TBX20: variants seen among roughly 807,000 people sequenced by gnomAD.
The protein encoded by TBX20 is T-box transcription factor 20.
TBX20 carries 8 observed loss-of-function variants against 42.9 expected under a neutral mutation model. The observed-to-expected ratio is 0.19, with a 90% CI of 0.11 to 0.34. The LOEUF (loss-of-function observed/expected upper bound fraction) is 0.34. TBX20 is among the 10% of genes least tolerant of loss of function. The pLI, the probability that TBX20 is intolerant of heterozygous loss-of-function variation, is 1.00. For missense variants in TBX20, 411 were observed against 566.0 expected, an observed-to-expected ratio of 0.73 and a Z score of 2.78; for synonymous variants, 198 against 222.8, an observed-to-expected ratio of 0.89 and a Z score of 0.99.
Position 35,245,044 on chromosome 7 carries a change from G to A in TBX20, c.559C>T (p.Pro187Ser). ...TGCTCACCGGTAAAAGGAGAATCTGGATGCACATAGAGCCTAAGAAAATTA... is the reference window on the plus strand; with the variant it reads ...TGCTCACCGGTAAAAGGAGAATCTGAATGCACATAGAGCCTAAGAAAATTA... ...PPLPARLYVHPDSPFTGEQLL... is the reference protein window; with the variant it reads ...PPLPARLYVHSDSPFTGEQLL... Residue 187 changes from proline (P) to serine (S), a missense_variant, in exon 4 of 8, where the codon CCA becomes TCA. Physicochemically the swap from Pro to Ser is moderately conservative, Grantham distance 74. Around this residue, in one of 5 missense-constraint regions of TBX20, gnomAD observed 121 missense variants for 165.9 expected, o/e 0.73. Coordinates refer to ENST00000408931, the MANE Select transcript of TBX20 (RefSeq NM_001077653.2). 5 of 1,612,840 alleles carry A rather than the reference G, an allele frequency of 3.1e-6. No individual in the cohort carries two copies. The highest frequency in any genetic ancestry group is 4.2e-6 in the Non-Finnish European group (5 of 1,179,034).
chr7:35,231,338 T>C (rs1420938163), intron 6 of TBX20, among the ~76,000 whole-genome samples, 166 bp downstream of exon 6: 4 of 152,220 alleles, frequency 2.6e-5, no homozygotes, highest in Non-Finnish European at 2.9e-5. Flanking sequence ...TCACAGTAGC[T>C]GTCAGACTTA....
Position 35,249,919 on chromosome 7 carries a change from C to G in TBX20, c.380+32G>C. On this transcript the variant is annotated intron_variant, in intron 2 of 7. Transcript: ENST00000408931. The surrounding 1 kb of genome is among the most constrained non-coding windows in gnomAD (Gnocchi z 4.3). ...ACCCAGGGAGTGTCCTGACTCTCCACCCCCAACCCCCAACCCCCAAGTCCC... is the reference window on the plus strand; with the variant it reads ...ACCCAGGGAGTGTCCTGACTCTCCAGCCCCAACCCCCAACCCCCAAGTCCC... 6.3e-7 allele frequency: 1 copy of G among 1,581,660 alleles called. No homozygotes were observed. The highest frequency in any genetic ancestry group is 8.6e-7 in the Non-Finnish European group (1 of 1,162,138).
At chr7:35,205,698 A>T (rs986790632) in intron 6 of TBX20, among the ~76,000 whole-genome samples, 4 of 152,228 alleles carry the variant, frequency 2.6e-5, no homozygotes, top group African/African-American at 7.2e-5. Context: ...AAGCTTATAT[A>T]CCCACATAGA....
chr7:35,237,924 T>A (rs1004931723), intron 5 of TBX20, among the ~76,000 whole-genome samples: 2 of 152,042 alleles, frequency 1.3e-5, no homozygotes, highest in Non-Finnish European at 2.9e-5. Flanking sequence ...TCAGAGTCTA[T>A]CAGGGCCAAG....
chr7:35,207,903 GT>G (rs1220597763), intron 6 of TBX20, among the ~76,000 whole-genome samples: 1 of 151,800 alleles, frequency 6.6e-6, no homozygotes, highest in East Asian at 1.9e-4. Context: ...TTTTTTCAAA[GT>G]TGTTTTGGCT....
rs773910992 is a variant in TBX20, at chr7:35,250,095, G to A, written c.236C>T (p.Ser79Phe). ...GGSGSSPSSS[S>F]LCTEPLIPTT... ...GGGGATCAGTGGCTCAGTGCACAGA[G>A]AGGAGGAGGACGGGCTGCTGCCACT... The change falls in exon 2 of 8, where the codon TCT (serine) becomes TTT (phenylalanine). Residue 79 changes from serine to phenylalanine, a missense_variant. Physicochemically the swap from Ser to Phe is radical, Grantham distance 155. Around this residue, in one of 5 missense-constraint regions of TBX20, gnomAD observed 114 missense variants for 128.0 expected, o/e 0.89. Transcript: ENST00000408931. The A allele has an allele frequency of 5.0e-6, 8 of 1,613,720 alleles. No individual in the cohort carries two copies. The highest frequency in any genetic ancestry group is 6.8e-6 in the Non-Finnish European group (8 of 1,179,928).
chr7:35,215,041 G>C (rs1789559431), intron 6 of TBX20, among the ~76,000 whole-genome samples: 1 of 152,106 alleles, frequency 6.6e-6, no homozygotes, highest in Non-Finnish European at 1.5e-5. Flanking sequence ...CACTTAATAA[G>C]ATCATTTAAA....
chr7:35,248,297 T>C (rs1790233006), intron 3 of TBX20, among the ~76,000 whole-genome samples: 1 of 152,180 alleles, frequency 6.6e-6, no homozygotes, highest in African/African-American at 2.4e-5. Context: ...CTAAAAAGGA[T>C]TTTAGGACAA....
rs141032318 is a variant in TBX20 at position 35,231,721 on chromosome 7, A to T, written c.814-141T>A. On this transcript the variant is annotated intron_variant, in intron 5 of 7. Coordinates refer to ENST00000408931, the MANE Select transcript of TBX20 (RefSeq NM_001077653.2). ...CTGAGAAGGGTGGAAAATGCTACAC[A>T]TGTTCACAAGAGGGACAAATCCCAG... 343 of 689,576 alleles carry T rather than the reference A, an allele frequency of 5.0e-4. 2 individuals are homozygous for T. The African/African-American group carries it at 5.3e-3, about 11-fold the overall frequency. 42.7% of individuals were successfully genotyped at this position (689,576 alleles called of 1,614,324 possible). A position where few individuals can be genotyped will look rare whatever the true frequency, so the allele number is the denominator to read the frequency against.
At chr7:35,220,273 G>A (rs2128711932) in intron 6 of TBX20, among the ~76,000 whole-genome samples, 1 of 152,320 alleles carries the variant, frequency 6.6e-6, no homozygotes, top group East Asian at 1.9e-4. Flanking sequence ...CAGTTCTTTG[G>A]GGAACAGGTT....
At chr7:35,229,029 A>G (rs1057426382) in intron 6 of TBX20, among the ~76,000 whole-genome samples, 9 of 152,198 alleles carry the variant, frequency 5.9e-5, no homozygotes, top group Non-Finnish European at 1.2e-4. Flanking sequence ...TAGCTGTAGA[A>G]GGATTAAAAC....
chr7:35,252,142 G>C (rs1050513965), intron 1 of TBX20, among the ~76,000 whole-genome samples: 1 of 152,170 alleles, frequency 6.6e-6, no homozygotes, highest in African/African-American at 2.4e-5. Flanking sequence ...CACTTCTGTC[G>C]GGAATCCTCT....
In TBX20 at chr7:35,204,524, A is replaced by C. The variant is rs529444764; in HGVS notation, c.949T>G (p.Tyr317Asp). 6.2e-7 allele frequency: 1 copy of C among 1,614,018 alleles called. No individual in the cohort carries two copies. Residue 317 changes from tyrosine (Y) to aspartate (D), a missense_variant, in exon 7 of 8, where the codon TAC (tyrosine) becomes GAC (aspartate). Tyr to Asp is a radical substitution (Grantham distance 160). This residue lies in a region of TBX20 where 162 missense variants were observed against 205.4 expected (regional missense o/e 0.79). Coordinates refer to ENST00000408931, the MANE Select transcript of TBX20 (RefSeq NM_001077653.2). ...HSYARSPIRT[Y>D]GGEEDVLGDE... ...CCCAAGACATCTTCTTCTCCTCCGT[A>C]GGTACGGATGGGTGAGCGTGCATAG...
At chr7:35,238,749 T>G (rs1325174887) in intron 5 of TBX20, among the ~76,000 whole-genome samples, 1 of 152,234 alleles carries the variant, frequency 6.6e-6, no homozygotes, top group Non-Finnish European at 1.5e-5. Context: ...AACTTTTAGT[T>G]TGGGCATTCT....
intron 6 of TBX20, among the ~76,000 whole-genome samples, chr7:35,215,002 G>A (rs551027682): frequency 6.6e-6 from 1 of 152,096 alleles, no homozygotes; most frequent in Non-Finnish European, 1.5e-5. Context: ...TTTAAAAAAA[G>A]AGTGTAATAG....
chr7:35,228,748 A>G (rs1039900605), intron 6 of TBX20, among the ~76,000 whole-genome samples: 6 of 152,024 alleles, frequency 3.9e-5, no homozygotes, highest in Non-Finnish European at 8.8e-5. Flanking sequence ...TGTTTCCCCA[A>G]TCTGAGAAAC....
intron 4 of TBX20, among the ~76,000 whole-genome samples, chr7:35,241,835 C>A (rs960514951): frequency 2.0e-5 from 3 of 152,104 alleles, no homozygotes; most frequent in African/African-American, 7.2e-5. Context: ...TTTCATATAT[C>A]TTTTAAATAA....
At chr7:35,241,451 A>T (rs530507013) in intron 4 of TBX20, among the ~76,000 whole-genome samples, 6 of 152,236 alleles carry the variant, frequency 3.9e-5, no homozygotes, top group Admixed American at 3.9e-4. Flanking sequence ...ATGGAGAAAA[A>T]AATAAAAGAG....
intron 5 of TBX20, among the ~76,000 whole-genome samples, chr7:35,239,449 A>C (rs1235943366): frequency 6.6e-6 from 1 of 152,232 alleles, no homozygotes; most frequent in Non-Finnish European, 1.5e-5. Context: ...AGAGGTCATA[A>C]ACAACTGAAT....
Sources: allele counts gnomAD v4.1 joint callset (sites outside exome capture counted in the v4.1 genomes callset), GRCh38; gene constraint gnomAD v4.1.1; regional missense constraint gnomAD v4.1.1; non-coding constraint Gnocchi (gnomAD v3.1); transcripts MANE v1.5; gene names NCBI Gene and HGNC (gene_info 2026-07-23, HGNC 2026-07-21).